Variants in CNTD1 observed in about 807,000 individuals in gnomAD.
The protein encoded by CNTD1 is cyclin N-terminal domain containing 1.
A neutral mutation model predicts 36.3 loss-of-function variants in CNTD1; 17 were observed. The ratio of observed to expected loss-of-function variants is 0.47; its 90% CI spans 0.32 to 0.70. The LOEUF (loss-of-function observed/expected upper bound fraction) is 0.70. CNTD1 is among the 30% of genes least tolerant of loss of function. The probability of loss-of-function intolerance (pLI) is 0.03; values close to 1 mark genes in which losing one functional copy is unlikely to be tolerated. For missense variants in CNTD1, 338 were observed against 386.1 expected, an observed-to-expected ratio of 0.88 and a Z score of 1.04; for synonymous variants, 128 against 153.3, an observed-to-expected ratio of 0.83 and a Z score of 1.22.
intron 3 of CNTD1, chr17:42,805,476 T>G: frequency 6.6e-6 from 2 of 302,912 alleles, no homozygotes; most frequent in South Asian, 4.7e-5. Flanking sequence ...GGGAGAGGAA[T>G]TAGGGAGGAA....
Position 42,803,780 on chromosome 17 carries a change from C to T in CNTD1, c.245+85C>T, listed in dbSNP as rs780033321. The T allele has an allele frequency of 1.2e-5, 12 of 1,016,386 alleles. 1 individual carries two copies. The Middle Eastern group carries it at 1.5e-3, about 124-fold the overall frequency. 63.0% of individuals were successfully genotyped at this position (1,016,386 alleles called of 1,614,324 possible). Reference sequence around the variant, plus strand: ...ATCTTTAAGAAAGTATGAGTAGTTGCCCCTTACCCTGAGACCTGGTTTTAC... The same window carrying T: ...ATCTTTAAGAAAGTATGAGTAGTTGTCCCTTACCCTGAGACCTGGTTTTAC... On this transcript the variant is annotated intron_variant, in intron 2 of 6. Transcript: ENST00000588408.
At chr17:42,803,509 C>T (rs1212120406) in intron 1 of CNTD1, 111 bp from the exon 2 acceptor site, 2 of 770,302 alleles carry the variant, frequency 2.6e-6, no homozygotes, top group Non-Finnish European at 4.4e-6. Context: ...TCTTTCTCAC[C>T]TCCTGACCCT....
chr17:42,799,454 G>C (rs2054734683), intron 1 of CNTD1, among the ~76,000 whole-genome samples: 1 of 152,056 alleles, frequency 6.6e-6, no homozygotes, highest in Non-Finnish European at 1.5e-5. Flanking sequence ...CGCTTGGCTA[G>C]AAAGATGAAA....
chr17:42,806,944 G>C (rs933656370), intron 5 of CNTD1, 126 bp downstream of exon 5: 2 of 805,354 alleles, frequency 2.5e-6, no homozygotes, highest in African/African-American at 3.5e-5. Flanking sequence ...CAGGCTACCT[G>C]GTTCTCATTA....
chr17:42,799,067 T>A lies in CNTD1; in HGVS notation c.-1T>A. ...CCAGGTGCCCCAAGAGGCTCGTGAATATGGACGGACCCATGAGGCCACGAT... is the reference window on the plus strand; with the variant it reads ...CCAGGTGCCCCAAGAGGCTCGTGAAAATGGACGGACCCATGAGGCCACGAT... On this transcript the variant is annotated 5_prime_UTR_variant, in exon 1 of 7. Coordinates refer to ENST00000588408, the MANE Select transcript of CNTD1 (RefSeq NM_173478.3). 6.2e-7 allele frequency: 1 copy of A among 1,613,730 alleles called. No individual in the cohort carries two copies. The highest frequency in any genetic ancestry group is 1.3e-5 in the African/African-American group (1 of 74,986).
chr17:42,799,538 G>C (rs989191699), intron 1 of CNTD1, among the ~76,000 whole-genome samples: 16 of 151,460 alleles, frequency 1.1e-4, no homozygotes, highest in Non-Finnish European at 2.1e-4. Context: ...GTTCACCTGA[G>C]GTCAGGAGTT....
At chr17:42,803,285 C>A (rs2054824625) in intron 1 of CNTD1, among the ~76,000 whole-genome samples, 1 of 152,134 alleles carries the variant, frequency 6.6e-6, no homozygotes, top group Non-Finnish European at 1.5e-5. Flanking sequence ...CTGGGGGTTC[C>A]CAGCATGGTG....
intron 1 of CNTD1, among the ~76,000 whole-genome samples, chr17:42,800,202 C>G (rs529672171): frequency 6.6e-6 from 1 of 151,528 alleles, no homozygotes; most frequent in South Asian, 2.1e-4. Context: ...AGATAAGAGA[C>G]GTCAGAGAGA....
chr17:42,799,752 CAAA>C (rs780393099), intron 1 of CNTD1, among the ~76,000 whole-genome samples: 132 of 10,552 alleles, frequency 0.013, no homozygotes, highest in African/African-American at 0.029. Context: ...AACTCCGTCT[CAAA>C]AAAAAAAAAA....
chr17:42,803,906 G>A (rs2054834931), intron 2 of CNTD1, among the ~76,000 whole-genome samples: 1 of 152,154 alleles, frequency 6.6e-6, no homozygotes, highest in South Asian at 2.1e-4. Flanking sequence ...TGGGATCTTG[G>A]CTCACTGCAG....
intron 3 of CNTD1, chr17:42,805,420 T>C (rs968862574): frequency 2.6e-5 from 6 of 227,476 alleles, no homozygotes; most frequent in Non-Finnish European, 5.3e-5. Context: ...AGAAAATGAC[T>C]TCTTGAAATG....
At chr17:42,805,691 A>G (rs960667559) in intron 3 of CNTD1, 31 bp from the exon 4 acceptor site, 2 of 1,579,730 alleles carry the variant, frequency 1.3e-6, no homozygotes, top group African/African-American at 3.2e-5. Context: ...TTATCCTAAC[A>G]TTCTTCTTTC....
chr17:42,802,045 G>A (rs980013175), intron 1 of CNTD1, among the ~76,000 whole-genome samples: 1 of 152,132 alleles, frequency 6.6e-6, no homozygotes, highest in African/African-American at 2.4e-5. Flanking sequence ...AAAGGTAGAA[G>A]CCAACAGATA....
chr17:42,799,261 G>C (rs772789914), intron 1 of CNTD1, 25 bp downstream of exon 1: 1 of 1,596,618 alleles, frequency 6.3e-7, no homozygotes, highest in African/African-American at 1.4e-5. Context: ...CCGGGGTGCT[G>C]GGTTCTTGGG....
chr17:42,809,773 TTTTG>T lies in CNTD1; in HGVS notation c.*242_*245del. ...GGTGGAGACAGATTAGTTGTTTCAT[TTTTG>T]TTTAACAAGGTATTTATACTTTTAG... On this transcript the variant is annotated 3_prime_UTR_variant, in exon 7 of 7. Transcript: ENST00000588408. The T allele has an allele frequency of 4.6e-6, 2 of 435,368 alleles. No individual in the cohort carries two copies. Among genetic ancestry groups the T allele is most frequent in the Non-Finnish European group, 8.2e-6 (2 of 243,336 alleles). 27.0% of individuals were successfully genotyped at this position (435,368 alleles called of 1,614,324 possible).
chr17:42,805,271 T>A (rs2054859950), intron 3 of CNTD1: 1 of 156,272 alleles, frequency 6.4e-6, no homozygotes, highest in Non-Finnish European at 1.4e-5. Context: ...ACAAATATTG[T>A]CTGTGCTCAC....
chr17:42,805,448 G>C (rs2054863721), intron 3 of CNTD1: 2 of 257,562 alleles, frequency 7.8e-6, no homozygotes, highest in Non-Finnish European at 1.5e-5. Flanking sequence ...TGGGAGATGG[G>C]AGGATCCTAA....
At position 42,806,782 on chromosome 17, in the gene CNTD1, C is replaced by A. The variant is rs1197021759; in HGVS notation, c.689C>A (p.Ala230Asp). The A allele has an allele frequency of 1.9e-6, 3 of 1,613,998 alleles. No homozygotes were observed. The African/African-American group carries it at 4.0e-5, about 22-fold the overall frequency. Residue 230 changes from alanine (A) to aspartate (D), a missense_variant, in exon 5 of 7, where the codon GCT (alanine) becomes GAT (aspartate). Ala to Asp is a moderately radical substitution (Grantham distance 126). Transcript: ENST00000588408. Reference protein sequence around the residue: ...HEPIYESLLRASIENSTPSQL... With the variant: ...HEPIYESLLRDSIENSTPSQL... ...CCCATATATGAGAGCCTGTTGAGGG[C>A]TTCAATTGAGAACTCCACTCCCAGT...
Position 42,809,425 on chromosome 17 carries a change from T to G in CNTD1, c.883T>G (p.Tyr295Asp). 6.2e-7 allele frequency: 1 copy of G among 1,614,184 alleles called. No individual in the cohort carries two copies. Among genetic ancestry groups the G allele is most frequent in the Non-Finnish European group, 8.5e-7 (1 of 1,180,002 alleles). ...IALASIAEFS[Y>D]AILTHGVGAN... is the part of the protein sequence containing the mutation. ...CTTGGCAAGCATTGCTGAGTTCTCT[T>G]ATGCAATCCTGACTCACGGAGTGGG... Residue 295 changes from tyrosine (Y) to aspartate (D), a missense_variant, in exon 7 of 7, where the codon TAT becomes GAT. Tyr to Asp is a radical substitution (Grantham distance 160). Transcript: ENST00000588408.
Sources: gnomAD v4.1 joint callset for allele counts (sites outside exome capture counted in the v4.1 genomes callset) on GRCh38, gnomAD v4.1.1 for gene constraint, MANE v1.5 for transcripts, NCBI Gene and HGNC (gene_info 2026-07-23, HGNC 2026-07-21) for gene names.